Variants in RASA1 observed in about 807,000 individuals in gnomAD.
RASA1 encodes ras GTPase-activating protein 1.
A neutral mutation model predicts 132.2 loss-of-function variants in RASA1; 25 were observed. The observed-to-expected ratio is 0.19, with a 90% CI of 0.14 to 0.26. The LOEUF is 0.26. Ranked by LOEUF, RASA1 falls within the 10% of genes least tolerant of loss-of-function variation. The pLI, the probability that RASA1 is intolerant of heterozygous loss-of-function variation, is 1.00. For synonymous variants in RASA1, 477 were observed against 449.9 expected (o/e 1.06, Z -0.76); for missense variants, 964 against 1,299.2 (o/e 0.74, Z 3.97).
chr5:87,350,489 ATAATT>A (rs1206492269), intron 8 of RASA1, among the ~76,000 whole-genome samples: 1 of 151,862 alleles, frequency 6.6e-6, no homozygotes, highest in Non-Finnish European at 1.5e-5. Context: ...TAAAGATAAA[ATAATT>A]TACATGAATT....
At chr5:87,282,923 A>T (rs1754380345) in intron 1 of RASA1, among the ~76,000 whole-genome samples, 1 of 152,172 alleles carries the variant, frequency 6.6e-6, no homozygotes, top group Admixed American at 6.5e-5. Context: ...TTGTGGAATG[A>T]CTAAACTGAG....
At chr5:87,276,573 G>A (rs988408020) in intron 1 of RASA1, among the ~76,000 whole-genome samples, 1 of 152,118 alleles carries the variant, frequency 6.6e-6, no homozygotes, top group East Asian at 1.9e-4. Flanking sequence ...GGCATTACTG[G>A]TAGGGAAATA....
chr5:87,375,243 A>G (rs190710392), intron 15 of RASA1, among the ~76,000 whole-genome samples: 3 of 151,836 alleles, frequency 2.0e-5, no homozygotes, highest in Non-Finnish European at 2.9e-5. Flanking sequence ...CCTTCTTTCT[A>G]CTTTTTAGGT....
chr5:87,300,616 G>A (rs1351619602), intron 1 of RASA1, among the ~76,000 whole-genome samples: 1 of 151,980 alleles, frequency 6.6e-6, no homozygotes, highest in Non-Finnish European at 1.5e-5. Context: ...ATAAAGTTTT[G>A]GATGAAATCT....
In RASA1 at chr5:87,268,323, T is replaced by G; in HGVS notation, c.-129T>G. The G allele has an allele frequency of 1.7e-6, 2 of 1,151,100 alleles. No homozygotes were observed. The highest frequency in any genetic ancestry group is 2.4e-6 in the Non-Finnish European group (2 of 849,706). The allele number at this position is 1,151,100 out of a possible 1,614,324, so 71.3% of individuals were successfully genotyped here. A position where few individuals can be genotyped will look rare whatever the true frequency, so the allele number is the denominator to read the frequency against. On this transcript the variant is annotated 5_prime_UTR_variant, in exon 1 of 25. Transcript: ENST00000274376. ...GGCGCGGCGGCGGGCTCTCTCCTTT[T>G]GTTGTTGTTTCCTCAGCCTGGGGAG...
chr5:87,347,605 T>A (rs1177306141), intron 7 of RASA1, among the ~76,000 whole-genome samples: 1 of 152,030 alleles, frequency 6.6e-6, no homozygotes, highest in Non-Finnish European at 1.5e-5. Flanking sequence ...ATTGTTTTAA[T>A]CCATAAAGCA....
intron 8 of RASA1, 23 bp downstream of exon 8, chr5:87,349,387 T>A: frequency 1.2e-6 from 2 of 1,610,176 alleles, no homozygotes; most frequent in Non-Finnish European, 1.7e-6. Flanking sequence ...TTTTTAGCTA[T>A]CTTTTACTTT....
chr5:87,317,067 G>C (rs1402517062), intron 1 of RASA1, among the ~76,000 whole-genome samples: 3 of 152,070 alleles, frequency 2.0e-5, no homozygotes, highest in Admixed American at 1.3e-4. Flanking sequence ...ATTTTTAGTA[G>C]AGTTGGGGTT....
chr5:87,376,623 T>TCCC, intron 16 of RASA1, 58 bp downstream of exon 16: 3 of 1,554,636 alleles, frequency 1.9e-6, no homozygotes, highest in Non-Finnish European at 2.7e-6. Flanking sequence ...ATTTAACATT[T>TCCC]AATAAAAGAT....
At chr5:87,323,419 G>A (rs1172799252) in intron 1 of RASA1, among the ~76,000 whole-genome samples, 2 of 152,178 alleles carry the variant, frequency 1.3e-5, no homozygotes, top group African/African-American at 2.4e-5. Flanking sequence ...GAGGGAGAGA[G>A]TGGATAATGC....
At chr5:87,307,724 G>C (rs1755686094) in intron 1 of RASA1, among the ~76,000 whole-genome samples, 1 of 152,046 alleles carries the variant, frequency 6.6e-6, no homozygotes, top group African/African-American at 2.4e-5. Flanking sequence ...TTAACAAAAT[G>C]TTGACTTTAA....
At position 87,346,693 on chromosome 5, in the gene RASA1, C is replaced by A; in HGVS notation, c.1071C>A (p.Ser357=). Reference sequence around the variant, plus strand: ...TAAGATGGTTCCATGGGAAGATTTCCAAACAGGAAGCTTATAATTTACTAA... The same window carrying A: ...TAAGATGGTTCCATGGGAAGATTTCAAAACAGGAAGCTTATAATTTACTAA... ...EGKIWFHGKI[S]KQEAYNLLMT... The change falls in exon 7 of 25, where the codon TCC becomes TCA. Residue 357 remains serine (S), a synonymous_variant. Transcript: ENST00000274376. 1 of 1,552,920 alleles carries A rather than the reference C, an allele frequency of 6.4e-7. No individual in the cohort carries two copies. Among genetic ancestry groups the A allele is most frequent in the Non-Finnish European group, 8.9e-7 (1 of 1,127,098 alleles).
intron 1 of RASA1, among the ~76,000 whole-genome samples, chr5:87,303,637 C>T (rs543705188): frequency 6.6e-6 from 1 of 152,074 alleles, no homozygotes; most frequent in African/African-American, 2.4e-5. Context: ...AGAGAACATA[C>T]TCTGAATGAA....
At chr5:87,372,000 A>C in intron 12 of RASA1, 118 bp from the exon 13 acceptor site, 1 of 712,294 alleles carries the variant, frequency 1.4e-6, no homozygotes, top group Non-Finnish European at 2.4e-6. Context: ...GTCTGAGAAT[A>C]GAAATGGCAG....
At chr5:87,269,789 CT>C (rs1231330581) in intron 1 of RASA1, among the ~76,000 whole-genome samples, 16 of 152,186 alleles carry the variant, frequency 1.1e-4, no homozygotes, top group Non-Finnish European at 2.1e-4. Context: ...AGGACAATGA[CT>C]TTTTTAAAAT....
At chr5:87,290,703 T>A (rs905060738) in intron 1 of RASA1, among the ~76,000 whole-genome samples, 3 of 152,240 alleles carry the variant, frequency 2.0e-5, no homozygotes, top group African/African-American at 7.2e-5. Context: ...CTCCATAGTT[T>A]TACCTTCTCC....
chr5:87,341,268 T>C lies in RASA1; in HGVS notation c.1018-22T>C, dbSNP rs1758419981. 2.4e-6 allele frequency: 3 copies of C among 1,260,870 alleles called. No individual in the cohort carries two copies. The Admixed American group carries it at 1.2e-4, about 49-fold the overall frequency. The allele number at this position is 1,260,870 out of a possible 1,614,324, so 78.1% of individuals were successfully genotyped here. A position where few individuals can be genotyped will look rare whatever the true frequency, so the allele number is the denominator to read the frequency against. ...ATTAATAGTTAATTATATAAAATAC[T>C]GTCTTAATGTCTTCCCTTTAGGGCC... is the stretch of plus-strand genomic sequence containing the variant. On this transcript the variant is annotated intron_variant, in intron 5 of 24. Transcript: ENST00000274376.
intron 8 of RASA1, among the ~76,000 whole-genome samples, chr5:87,352,039 AT>A (rs2112428900): frequency 1.3e-5 from 2 of 151,388 alleles, no homozygotes; most frequent in South Asian, 4.2e-4. Context: ...CCTGATTTTC[AT>A]TTTTCTTTTA....
intron 1 of RASA1, among the ~76,000 whole-genome samples, chr5:87,325,109 G>A (rs908794893): frequency 5.3e-5 from 8 of 152,054 alleles, no homozygotes; most frequent in East Asian, 1.9e-4. Context: ...CAATCATGGC[G>A]GAAGGGGAAG....
Sources: gnomAD v4.1 joint callset for allele counts (sites outside exome capture counted in the v4.1 genomes callset) on GRCh38, gnomAD v4.1.1 for gene constraint, MANE v1.5 for transcripts, NCBI Gene and HGNC (gene_info 2026-07-23, HGNC 2026-07-21) for gene names.